Variants in ZNF207 observed in about 807,000 individuals in gnomAD.
ZNF207 encodes the protein zinc finger protein 207, also known as BUB3-interacting and GLEBS motif-containing protein ZNF207.
In ZNF207, 24 loss-of-function variants were observed where a neutral mutation model predicts 60.2. That is an observed-to-expected ratio of 0.40 (90% CI 0.29 to 0.56). ZNF207 has a LOEUF of 0.56. ZNF207 is among the 20% of genes least tolerant of loss of function. The pLI is 0.49. For missense variants in ZNF207, 452 were observed against 636.6 expected, an observed-to-expected ratio of 0.71 and a Z score of 3.12; for synonymous variants, 236 against 194.7, an observed-to-expected ratio of 1.21 and a Z score of -1.77.
intron 6 of ZNF207, among the ~76,000 whole-genome samples, chr17:32,362,131 AGTG>A (rs1194238574): frequency 1.4e-5 from 2 of 145,926 alleles, no homozygotes; most frequent in African/African-American, 5.1e-5. Flanking sequence ...AAAAAAAAAA[AGTG>A]TGTGTGTGTG....
chr17:32,351,538 A>G, intron 1 of ZNF207: 1 of 1,520,610 alleles, frequency 6.6e-7, no homozygotes, highest in Non-Finnish European at 8.8e-7. Context: ...GGAATTTGAC[A>G]AAGTATATTG....
Position 32,361,517 on chromosome 17 carries a change from T to A in ZNF207, c.599+2T>A. The A allele has an allele frequency of 6.2e-7, 1 of 1,607,030 alleles. No individual in the cohort carries two copies. Among genetic ancestry groups the A allele is most frequent in the Non-Finnish European group, 8.5e-7 (1 of 1,176,290 alleles). On this transcript the variant is annotated splice_donor_variant, in intron 6 of 11. Coordinates refer to ENST00000394670, the MANE Select transcript of ZNF207 (RefSeq NM_001098507.2). LOFTEE classifies it high-confidence loss of function. Reference sequence around the variant, plus strand: ...CCAGTCATTTTGCGGTGAAAACATGTAAGCATCTCATTCATAATGTAATTC... The same window carrying A: ...CCAGTCATTTTGCGGTGAAAACATGAAAGCATCTCATTCATAATGTAATTC...
At chr17:32,363,529 CTTTTTTTTTTTT>C (rs746944466) in intron 7 of ZNF207, among the ~76,000 whole-genome samples, 38 of 69,616 alleles carry the variant, frequency 5.5e-4, no homozygotes, top group Middle Eastern at 0.014. Context: ...ATCCAACAAA[CTTTTTTTTTTTT>C]TTTTTTTTTT....
chr17:32,364,361 C>CTTTT (rs397858000), intron 7 of ZNF207, among the ~76,000 whole-genome samples: 13 of 137,392 alleles, frequency 9.5e-5, no homozygotes, highest in African/African-American at 3.5e-4. Context: ...GTTTTTTTTT[C>CTTTT]TTTTTTTTTT....
chr17:32,361,336 A>G (rs80272250), intron 5 of ZNF207, 132 bp from the exon 6 acceptor site: 17,621 of 674,424 alleles, frequency 0.026, 389 homozygotes, highest in South Asian at 0.073. Context: ...CATCAAAACT[A>G]AAATGAATAT....
rs1000716910 is a variant in ZNF207 at position 32,367,663 on chromosome 17, A to G, written c.922-109A>G. 2.2e-6 allele frequency: 3 copies of G among 1,384,554 alleles called. No homozygotes were observed. In the South Asian group the frequency reaches 4.3e-5, roughly 20 times the overall value. The allele number at this position is 1,384,554 out of a possible 1,614,324, so 85.8% of individuals were successfully genotyped here. A position where few individuals can be genotyped will look rare whatever the true frequency, so the allele number is the denominator to read the frequency against. On this transcript the variant is annotated intron_variant, in intron 9 of 11. Transcript: ENST00000394670. ...CATTAACTTTGTATTAATTTCATTT[A>G]AAGTTTGGTCCTTTATTTAATGTTG...
chr17:32,351,998 G>A (rs927162422), intron 2 of ZNF207, 86 bp downstream of exon 2: 10 of 1,365,488 alleles, frequency 7.3e-6, no homozygotes, highest in East Asian at 2.5e-5. Flanking sequence ...TTTGAGTTTC[G>A]GTCTTGTCGC....
intron 6 of ZNF207, among the ~76,000 whole-genome samples, chr17:32,362,507 T>G (rs902969098): frequency 5.3e-5 from 8 of 152,238 alleles, no homozygotes; most frequent in Non-Finnish European, 7.3e-5. Flanking sequence ...TCAATCTTTT[T>G]CTTTTCAAAA....
rs1274204553 is a variant in ZNF207 at position 32,369,226 on chromosome 17, A to G, written c.1165-69A>G. ...TACTCTTAACGTTGTAAGATTTTAG[A>G]TGCATGCCTTTATGCTTGGTGAGCC... On this transcript the variant is annotated intron_variant, in intron 10 of 11. Transcript: ENST00000394670. The G allele has an allele frequency of 1.4e-5, 22 of 1,545,944 alleles. No homozygotes were observed. In the East Asian group the frequency reaches 1.6e-4, roughly 11 times the overall value.
Position 32,375,223 on chromosome 17 carries a change from A to G in ZNF207, c.*5464A>G, listed in dbSNP as rs1487048089. The G allele has an allele frequency of 1.3e-5, 2 of 152,304 alleles. No individual in the cohort carries two copies. The highest frequency in any genetic ancestry group is 4.1e-4 in the South Asian group (2 of 4,826). The allele number at this position is 152,304 out of a possible 1,614,324, so 9.4% of individuals were successfully genotyped here. A position where few individuals can be genotyped will look rare whatever the true frequency, so the allele number is the denominator to read the frequency against. On this transcript the variant is annotated 3_prime_UTR_variant, in exon 12 of 12. Coordinates refer to ENST00000394670, the MANE Select transcript of ZNF207 (RefSeq NM_001098507.2). ...TTTCACTATAACTAATAGGATTTTA[A>G]TATTTAAAGAATTTTGTTGCTTCCA... is the stretch of plus-strand genomic sequence containing the variant.
intron 6 of ZNF207, 54 bp downstream of exon 6, chr17:32,361,569 T>C: frequency 2.0e-6 from 3 of 1,523,798 alleles, no homozygotes; most frequent in South Asian, 1.3e-5. Context: ...CTGTCATTTT[T>C]TTATGTGTGT....
intron 2 of ZNF207, among the ~76,000 whole-genome samples, chr17:32,353,811 CAAAAAAAAAAAA>C (rs536502166): frequency 1.0e-4 from 11 of 110,530 alleles, no homozygotes; most frequent in South Asian, 9.9e-4. Flanking sequence ...ACTCTGTCTC[CAAAAAAAAAAAA>C]AAAAAAAAAA....
At chr17:32,362,670 CTTTA>C (rs1275057926) in intron 6 of ZNF207, 8 of 392,846 alleles carry the variant, frequency 2.0e-5, no homozygotes, top group Non-Finnish European at 9.0e-6. Flanking sequence ...TCTCAAATGA[CTTTA>C]AATGTTTTGT....
Position 32,368,017 on chromosome 17 carries a change from A to G in ZNF207, c.1164+3A>G, listed in dbSNP as rs1201308475. 1.2e-6 allele frequency: 2 copies of G among 1,613,292 alleles called. No individual in the cohort carries two copies. Among genetic ancestry groups the G allele is most frequent in the Admixed American group, 3.3e-5 (2 of 59,980 alleles). Reference sequence around the variant, plus strand: ...ATCCAGATGAGGATATATCCCTGGTAAGTTGCTTTTAGTTTTCTACGAGCA... The same window carrying G: ...ATCCAGATGAGGATATATCCCTGGTGAGTTGCTTTTAGTTTTCTACGAGCA... On this transcript the variant is annotated splice_donor_region_variant and intron_variant, in intron 10 of 11. Coordinates refer to ENST00000394670, the MANE Select transcript of ZNF207 (RefSeq NM_001098507.2).
intron 9 of ZNF207, among the ~76,000 whole-genome samples, chr17:32,367,249 AT>A: frequency 1.2e-5 from 1 of 84,104 alleles, no homozygotes; most frequent in African/African-American, 5.4e-5. Context: ...TTATATATAT[AT>A]ATATATATAT....
chr17:32,379,081 T>C lies in ZNF207; in HGVS notation c.*9322T>C, dbSNP rs1342512064. ...AAATATATCTTACAAGATAACCACTTGTTTTTTAATGTAAAATTGCACAAG... is the reference window on the plus strand; with the variant it reads ...AAATATATCTTACAAGATAACCACTCGTTTTTTAATGTAAAATTGCACAAG... On this transcript the variant is annotated 3_prime_UTR_variant, in exon 12 of 12. Transcript: ENST00000394670. 6.6e-6 allele frequency: 1 copy of C among 152,134 alleles called. No individual in the cohort carries two copies. The highest frequency in any genetic ancestry group is 2.4e-5 in the African/African-American group (1 of 41,450). The allele number at this position is 152,134 out of a possible 1,614,324, so 9.4% of individuals were successfully genotyped here.
At position 32,379,572 on chromosome 17, in the gene ZNF207, A is replaced by AT. The variant is rs1298355581; in HGVS notation, c.*9815dup. On this transcript the variant is annotated 3_prime_UTR_variant, in exon 12 of 12. Coordinates refer to ENST00000394670, the MANE Select transcript of ZNF207 (RefSeq NM_001098507.2). ...TTTGGAGACATTGCATAGGTGTAAA[A>AT]TTAAGATACCAGAACTTCATTCTGT... 1 of 152,142 alleles carries AT rather than the reference A, an allele frequency of 6.6e-6. No homozygotes were observed. The highest frequency in any genetic ancestry group is 1.9e-4 in the East Asian group (1 of 5,198). The allele number at this position is 152,142 out of a possible 1,614,324, so 9.4% of individuals were successfully genotyped here.
At chr17:32,365,075 C>G (rs982908740) in intron 7 of ZNF207, among the ~76,000 whole-genome samples, 2 of 152,138 alleles carry the variant, frequency 1.3e-5, no homozygotes, top group Non-Finnish European at 2.9e-5. Flanking sequence ...ATCAGTAGGA[C>G]CAGTAAGCAT....
At position 32,371,736 on chromosome 17, in the gene ZNF207, T is replaced by C. The variant is rs915009334; in HGVS notation, c.*1977T>C. On this transcript the variant is annotated 3_prime_UTR_variant, in exon 12 of 12. Coordinates refer to ENST00000394670, the MANE Select transcript of ZNF207 (RefSeq NM_001098507.2). ...AACAGAGCGAGACTCTGTCAAAAAATAAATTAAAATATCTGATTATCTGGC... is the reference window on the plus strand; with the variant it reads ...AACAGAGCGAGACTCTGTCAAAAAACAAATTAAAATATCTGATTATCTGGC... 2.6e-5 allele frequency: 4 copies of C among 152,162 alleles called. No homozygotes were observed. Among genetic ancestry groups the C allele is most frequent in the African/African-American group, 9.7e-5 (4 of 41,434 alleles). The allele number at this position is 152,162 out of a possible 1,614,324, so 9.4% of individuals were successfully genotyped here.
Sources: gnomAD v4.1 joint callset for allele counts (sites outside exome capture counted in the v4.1 genomes callset) on GRCh38, gnomAD v4.1.1 for gene constraint, MANE v1.5 for transcripts, NCBI Gene and HGNC (gene_info 2026-07-23, HGNC 2026-07-21) for gene names.